The following ARID1B variants were observed in gnomAD, a reference collection of about 807,000 sequenced individuals.
ARID1B encodes the protein AT-rich interactive domain-containing protein 1B.
Under a neutral mutation model 212.3 loss-of-function variants are expected in ARID1B, and 30 were observed. The observed-to-expected ratio is 0.14, with a 90% CI of 0.11 to 0.19. ARID1B has a LOEUF of 0.19. Among genes scored for constraint, ARID1B ranks in the 10% least tolerant of loss-of-function variants. The pLI, the probability that ARID1B is intolerant of heterozygous loss-of-function variation, is 1.00. For missense variants in ARID1B, 2,891 were observed against 3,204.0 expected (o/e 0.90, Z 2.36); for synonymous variants, 1,402 against 1,301.7 (o/e 1.08, Z -1.66).
Position 157,046,258 on chromosome 6 carries a change from A to G in ARID1B, c.2248-38404A>G, listed in dbSNP as rs867875794. ...CACAAGTCTAAAACTCAGAAAAGAC[A>G]AGACTGTGAGGCCAAAACATATGCA... On this transcript the variant is annotated intron_variant, in intron 4 of 19. Transcript: ENST00000636930. Among the ~76,000 whole-genome samples, 4 of 152,336 alleles carry G rather than the reference A, an allele frequency of 2.6e-5. No individual in the cohort carries two copies. The Middle Eastern group carries it at 0.01, about 389-fold the overall frequency.
chr6:156,837,398 G>A (rs1321222156), intron 2 of ARID1B, among the ~76,000 whole-genome samples: 2 of 152,228 alleles, frequency 1.3e-5, no homozygotes, highest in Non-Finnish European at 2.9e-5. Flanking sequence ...ATTATATAAA[G>A]TGAAGTCCGG....
intron 4 of ARID1B, among the ~76,000 whole-genome samples, chr6:157,053,083 A>G (rs1002772675): frequency 6.7e-6 from 1 of 149,678 alleles, no homozygotes; most frequent in African/African-American, 2.5e-5. Context: ...TATTTTATTG[A>G]TTGATTGATT....
intron 1 of ARID1B, among the ~76,000 whole-genome samples, chr6:156,792,156 C>G (rs1780054621): frequency 6.6e-6 from 1 of 152,172 alleles, no homozygotes; most frequent in African/African-American, 2.4e-5. Flanking sequence ...TATGGCTCTT[C>G]TAAGTCTTTC....
intron 2 of ARID1B, among the ~76,000 whole-genome samples, chr6:156,848,960 T>C (rs1410554654): frequency 6.6e-6 from 1 of 152,236 alleles, no homozygotes; most frequent in African/African-American, 2.4e-5. Flanking sequence ...TTCCCATTAT[T>C]TTTGAAGCCT....
chr6:156,934,800 C>G (rs1792025768), intron 3 of ARID1B, among the ~76,000 whole-genome samples: 1 of 150,690 alleles, frequency 6.6e-6, no homozygotes, highest in Non-Finnish European at 1.5e-5. Flanking sequence ...GGTTTAAAGA[C>G]AGTTTGGTTT....
At chr6:156,951,734 C>T (rs1793606086) in intron 4 of ARID1B, among the ~76,000 whole-genome samples, 1 of 152,062 alleles carries the variant, frequency 6.6e-6, no homozygotes, top group African/African-American at 2.4e-5. Context: ...TGAGCCACCG[C>T]ACCTGGCCAA....
At chr6:156,788,550 C>T (rs928406789) in intron 1 of ARID1B, among the ~76,000 whole-genome samples, 1 of 152,094 alleles carries the variant, frequency 6.6e-6, no homozygotes, top group Admixed American at 6.5e-5. Context: ...TTACTTTTTG[C>T]AAAGGAACGA....
In ARID1B at chr6:157,145,476, C is replaced by T. The variant is rs545418999; in HGVS notation, c.2762-3148C>T. Among the ~76,000 whole-genome samples the T allele has an allele frequency of 6.6e-5, 10 of 152,230 alleles. No homozygotes were observed. In the South Asian group the frequency reaches 1.9e-3, roughly 28 times the overall value. On this transcript the variant is annotated intron_variant, in intron 7 of 19. Transcript: ENST00000636930. ...TGCACGGACAGTGGCCCGTGCGTCG[C>T]CTGTAGGGAATAACACACGCCTCCC...
intron 5 of ARID1B, among the ~76,000 whole-genome samples, chr6:157,096,570 C>T (rs1785648789): frequency 6.6e-6 from 1 of 152,254 alleles, no homozygotes; most frequent in South Asian, 2.1e-4. Context: ...GAACCTTCCT[C>T]TCCACATTGC....
intron 4 of ARID1B, among the ~76,000 whole-genome samples, chr6:156,982,728 A>G (rs971543264): frequency 5.3e-5 from 8 of 152,008 alleles, no homozygotes; most frequent in African/African-American, 1.7e-4. Context: ...TTTTCTTTAT[A>G]CATAGTTCCT....
At chr6:156,810,433 C>T (rs1216748717) in intron 1 of ARID1B, among the ~76,000 whole-genome samples, 3 of 152,150 alleles carry the variant, frequency 2.0e-5, no homozygotes, top group African/African-American at 7.2e-5. Flanking sequence ...GCTCCTGGAG[C>T]TGCGTTGGAT....
At chr6:157,178,385 TG>T (rs1399430663) in intron 11 of ARID1B, among the ~76,000 whole-genome samples, 1 of 152,104 alleles carries the variant, frequency 6.6e-6, no homozygotes, top group Non-Finnish European at 1.5e-5. Context: ...GTCGGAAAAG[TG>T]GGTGTCAGAC....
At chr6:156,974,245 T>C (rs1285302064) in intron 4 of ARID1B, among the ~76,000 whole-genome samples, 1 of 152,214 alleles carries the variant, frequency 6.6e-6, no homozygotes, top group Non-Finnish European at 1.5e-5. Context: ...TTAAAACACG[T>C]AGATTATTTT....
intron 19 of ARID1B, 172 bp from the exon 20 acceptor site, chr6:157,205,995 C>T (rs912944927): frequency 2.5e-5 from 18 of 721,150 alleles, no homozygotes; most frequent in African/African-American, 1.8e-4. Flanking sequence ...TCAGGAAGTT[C>T]GCTGGACCTG....
At chr6:156,883,699 C>G (rs945651387) in intron 2 of ARID1B, among the ~76,000 whole-genome samples, 6 of 152,148 alleles carry the variant, frequency 3.9e-5, no homozygotes, top group Non-Finnish European at 8.8e-5. Context: ...CTTCACCTTT[C>G]CTTGCTTTGA....
At chr6:156,866,338 C>G (rs772997339) in intron 2 of ARID1B, among the ~76,000 whole-genome samples, 1 of 152,136 alleles carries the variant, frequency 6.6e-6, no homozygotes, top group Non-Finnish European at 1.5e-5. Context: ...CTTAGTCACC[C>G]CATCTACCGC....
chr6:156,851,933 G>A (rs191800744), intron 2 of ARID1B, among the ~76,000 whole-genome samples: 1 of 152,182 alleles, frequency 6.6e-6, no homozygotes, highest in African/African-American at 2.4e-5. Context: ...AGGTATTATG[G>A]AGATATTGTT....
chr6:157,081,871 CCTT>C (rs1784648754), intron 4 of ARID1B, among the ~76,000 whole-genome samples: 1 of 152,236 alleles, frequency 6.6e-6, no homozygotes, highest in Non-Finnish European at 1.5e-5. Flanking sequence ...TCTGATTTGT[CCTT>C]TCTACGTTTA....
chr6:157,139,350 T>C (rs78171248), intron 7 of ARID1B, among the ~76,000 whole-genome samples: 1,884 of 152,256 alleles, frequency 0.012, 32 homozygotes, highest in African/African-American at 0.042. Flanking sequence ...AGGTACCTTT[T>C]CCCGAGGTCC....
Sources: gnomAD v4.1 joint callset for allele counts (sites outside exome capture counted in the v4.1 genomes callset) on GRCh38, gnomAD v4.1.1 for gene constraint, MANE v1.5 for transcripts, NCBI Gene and HGNC (gene_info 2026-07-23, HGNC 2026-07-21) for gene names.